Variants in CLEC16A observed in about 807,000 individuals in gnomAD.
CLEC16A encodes C-type lectin domain containing 16A, also known as protein CLEC16A.
CLEC16A carries 51 observed loss-of-function variants against 109.5 expected under a neutral mutation model. That is an observed-to-expected ratio of 0.47 (90% CI 0.37 to 0.59). The LOEUF is 0.59. CLEC16A is among the 20% of genes least tolerant of loss of function. The probability of loss-of-function intolerance (pLI) is 0.00; values close to 1 mark genes in which losing one functional copy is unlikely to be tolerated. For missense variants in CLEC16A, 1,339 were observed against 1,394.0 expected (o/e 0.96, Z 0.63); for synonymous variants, 673 against 564.2 (o/e 1.19, Z -2.73).
At chr16:11,156,382 A>C (rs2054518945) in intron 22 of CLEC16A, among the ~76,000 whole-genome samples, 1 of 151,494 alleles carries the variant, frequency 6.6e-6, no homozygotes. Context: ...AAAAAAAAAA[A>C]AAAAACACAA....
At chr16:10,987,456 G>A (rs1173019216) in intron 10 of CLEC16A, among the ~76,000 whole-genome samples, 3 of 152,198 alleles carry the variant, frequency 2.0e-5, no homozygotes, top group East Asian at 3.8e-4. Context: ...CCTCTTCTTA[G>A]GATGAAGGTC....
At chr16:10,959,689 G>A (rs979077169) in intron 2 of CLEC16A, among the ~76,000 whole-genome samples, 1 of 151,918 alleles carries the variant, frequency 6.6e-6, no homozygotes, top group Non-Finnish European at 1.5e-5. Flanking sequence ...ACCGTGCCCA[G>A]CTGGAATTTT....
At chr16:11,015,559 T>C (rs1481500269) in intron 11 of CLEC16A, among the ~76,000 whole-genome samples, 1 of 152,140 alleles carries the variant, frequency 6.6e-6, no homozygotes, top group Non-Finnish European at 1.5e-5. Flanking sequence ...CACCACCCTT[T>C]CCTGGAGCAG....
At position 11,001,898 on chromosome 16, in the gene CLEC16A, G is replaced by A. The variant is rs78195679; in HGVS notation, c.1072-1176G>A. 4.4e-3 allele frequency among the ~76,000 whole-genome samples: 677 copies of A among 152,242 alleles called. 5 individuals carry two copies. The highest frequency in any genetic ancestry group is 0.031 in the Middle Eastern group (9 of 294). ...ACTTACTAGGCTCCCTTTCTAATGA[G>A]AGCCAGAATTTGACAACACCCACTA... On this transcript the variant is annotated intron_variant, in intron 10 of 23. Coordinates refer to ENST00000409790, the MANE Select transcript of CLEC16A (RefSeq NM_015226.3).
chr16:10,979,209 G>C (rs1040747465), intron 8 of CLEC16A, 120 bp from the exon 9 acceptor site: 3 of 817,234 alleles, frequency 3.7e-6, no homozygotes, highest in Non-Finnish European at 5.8e-6. Context: ...CTAGGGCCGT[G>C]GAGGAAGTCA....
chr16:11,126,507 T>C, intron 22 of CLEC16A: 1 of 938,642 alleles, frequency 1.1e-6, no homozygotes, highest in Non-Finnish European at 1.5e-6. Context: ...AAAGAGAGAG[T>C]GTGTTTGGTT....
intron 1 of CLEC16A, 65 bp downstream of exon 1, chr16:10,944,862 G>C (rs2041264341): frequency 1.4e-6 from 2 of 1,450,664 alleles, no homozygotes; most frequent in South Asian, 1.2e-5. Flanking sequence ...CCGAGCTCCG[G>C]GTCGGGGCTC....
intron 3 of CLEC16A, among the ~76,000 whole-genome samples, chr16:10,965,161 C>G (rs368155995): frequency 6.6e-6 from 1 of 152,166 alleles, no homozygotes; most frequent in Admixed American, 6.5e-5. Context: ...GTCCTGGCAC[C>G]GAAAAGGGTG....
intron 12 of CLEC16A, among the ~76,000 whole-genome samples, chr16:11,020,570 T>C (rs560855274): frequency 6.6e-6 from 1 of 152,344 alleles, no homozygotes; most frequent in African/African-American, 2.4e-5. Flanking sequence ...CTCCCTGCCC[T>C]GCTCCTGGCA....
Position 11,039,880 on chromosome 16 carries a change from C to T in CLEC16A, c.1660+4C>T, listed in dbSNP as rs1006716725. On this transcript the variant is annotated splice_donor_region_variant and intron_variant, in intron 14 of 23. Transcript: ENST00000409790. ...ATGAACAACGCTGCCCAGCCAGGTG[C>T]CCACTTGGGGTGTTGTCTGTCCACA... 6.2e-7 allele frequency: 1 copy of T among 1,611,654 alleles called. No homozygotes were observed. Among genetic ancestry groups the T allele is most frequent in the Non-Finnish European group, 8.5e-7 (1 of 1,178,940 alleles).
At chr16:11,119,428 A>C (rs1475992513) in intron 19 of CLEC16A, among the ~76,000 whole-genome samples, 1 of 152,118 alleles carries the variant, frequency 6.6e-6, no homozygotes, top group Non-Finnish European at 1.5e-5. Context: ...GGTCTCTGTC[A>C]TCCAGGCTGG....
chr16:11,119,592 G>T (rs7200146), intron 19 of CLEC16A, among the ~76,000 whole-genome samples: 106,528 of 151,902 alleles, frequency 0.7, 38,724 homozygotes, highest in African/African-American at 0.89. Flanking sequence ...GGGTTTTGCC[G>T]TGTTGCCCAG....
chr16:11,156,924 C>T (rs1597592694), intron 22 of CLEC16A, among the ~76,000 whole-genome samples: 1 of 129,970 alleles, frequency 7.7e-6, no homozygotes, highest in Non-Finnish European at 1.7e-5. Flanking sequence ...CCCGCCCCCC[C>T]CCCCACCCAC....
chr16:11,003,169 G>A lies in CLEC16A; in HGVS notation c.1167G>A (p.Lys389=). Residue 389 remains lysine, a synonymous_variant, in exon 11 of 24, where the codon AAG becomes AAA. Coordinates refer to ENST00000409790, the MANE Select transcript of CLEC16A (RefSeq NM_015226.3). ...ACAAGGGCAAGAGGCGGGTGCAAAAGAGACCCAACTACAAAAACGTTGGGG... is the reference window on the plus strand; with the variant it reads ...ACAAGGGCAAGAGGCGGGTGCAAAAAAGACCCAACTACAAAAACGTTGGGG... ...NKHKGKRRVQ[K]RPNYKNVGEE... 6.2e-7 allele frequency: 1 copy of A among 1,613,496 alleles called. No homozygotes were observed. Among genetic ancestry groups the A allele is most frequent in the Non-Finnish European group, 8.5e-7 (1 of 1,179,834 alleles).
chr16:11,171,367 C>G (rs1162769919), intron 23 of CLEC16A, among the ~76,000 whole-genome samples: 1 of 152,208 alleles, frequency 6.6e-6, no homozygotes, highest in African/African-American at 2.4e-5. Context: ...GGCCCCAGAC[C>G]AAAGGGAGAG....
At chr16:10,964,700 CT>C (rs2042417526) in intron 3 of CLEC16A, among the ~76,000 whole-genome samples, 1 of 152,216 alleles carries the variant, frequency 6.6e-6, no homozygotes, top group Admixed American at 6.5e-5. Flanking sequence ...GCGATCAAAA[CT>C]TACGGCTTTT....
chr16:11,179,011 T>C lies in CLEC16A; in HGVS notation c.*321T>C, dbSNP rs890482863. 9.7e-6 allele frequency: 3 copies of C among 310,354 alleles called. No individual in the cohort carries two copies. The highest frequency in any genetic ancestry group is 4.3e-5 in the African/African-American group (2 of 46,728). The allele number at this position is 310,354 out of a possible 1,614,324, so 19.2% of individuals were successfully genotyped here. A position where few individuals can be genotyped will look rare whatever the true frequency, so the allele number is the denominator to read the frequency against. ...GTGGCAGGACCCACCGGCACCTCTT[T>C]CTTCCTCTGTCATATGGCTCCTCTG... On this transcript the variant is annotated 3_prime_UTR_variant, in exon 24 of 24. Transcript: ENST00000409790.
Position 11,179,789 on chromosome 16 carries a change from C to G in CLEC16A, c.*1099C>G, listed in dbSNP as rs1245386215. 1 of 152,532 alleles carries G rather than the reference C, an allele frequency of 6.6e-6. No individual in the cohort carries two copies. Among genetic ancestry groups the G allele is most frequent in the East Asian group, 1.9e-4 (1 of 5,214 alleles). 9.4% of individuals were successfully genotyped at this position (152,532 alleles called of 1,614,324 possible). A position where few individuals can be genotyped will look rare whatever the true frequency, so the allele number is the denominator to read the frequency against. On this transcript the variant is annotated 3_prime_UTR_variant, in exon 24 of 24. Transcript: ENST00000409790. ...CTCCAGCTGCAAGGGCATGGTGTCC[C>G]CAGAGCTCTGAGTCTGTCACTCTCC...
Position 11,181,528 on chromosome 16 carries a change from A to G in CLEC16A, c.*2838A>G, listed in dbSNP as rs1411099341. 1.3e-5 allele frequency: 2 copies of G among 152,308 alleles called. No individual in the cohort carries two copies. The highest frequency in any genetic ancestry group is 2.4e-5 in the African/African-American group (1 of 41,454). 9.4% of individuals were successfully genotyped at this position (152,308 alleles called of 1,614,324 possible). ...GCAGGGCTGGCCGCAGGAACTCCCAAACCTTGGCTTTGAATATTGTTGTGG... is the reference window on the plus strand; with the variant it reads ...GCAGGGCTGGCCGCAGGAACTCCCAGACCTTGGCTTTGAATATTGTTGTGG... On this transcript the variant is annotated 3_prime_UTR_variant, in exon 24 of 24. Transcript: ENST00000409790.
Sources: allele counts gnomAD v4.1 joint callset (sites outside exome capture counted in the v4.1 genomes callset), GRCh38; gene constraint gnomAD v4.1.1; transcripts MANE v1.5; gene names NCBI Gene and HGNC (gene_info 2026-07-23, HGNC 2026-07-21).